PTPRK: variants seen among roughly 807,000 people sequenced by gnomAD.
The protein encoded by PTPRK is protein tyrosine phosphatase receptor type K, also known as receptor-type tyrosine-protein phosphatase kappa.
PTPRK carries 75 observed loss-of-function variants against 178.0 expected under a neutral mutation model. The observed-to-expected ratio is 0.42, with a 90% CI of 0.35 to 0.51. The LOEUF (loss-of-function observed/expected upper bound fraction) is 0.51. PTPRK is among the 20% of genes least tolerant of loss of function. The pLI is 0.02. For missense variants in PTPRK, 1,441 were observed against 1,797.8 expected, an observed-to-expected ratio of 0.80 and a Z score of 3.59; for synonymous variants, 637 against 620.6, an observed-to-expected ratio of 1.03 and a Z score of -0.39.
At chr6:128,335,064 G>A (rs540656078) in intron 2 of PTPRK, among the ~76,000 whole-genome samples, 3 of 152,226 alleles carry the variant, frequency 2.0e-5, no homozygotes, top group Non-Finnish European at 4.4e-5. Context: ...CTTCAGCCTG[G>A]GCGACAGAGT....
At chr6:128,452,881 C>T (rs1328756796) in intron 1 of PTPRK, among the ~76,000 whole-genome samples, 2 of 152,162 alleles carry the variant, frequency 1.3e-5, no homozygotes, top group Non-Finnish European at 2.9e-5. Flanking sequence ...TTCCTATTAA[C>T]TCTTCCTCTG....
At chr6:128,189,334 G>A in intron 6 of PTPRK, among the ~76,000 whole-genome samples, 1 of 149,168 alleles carries the variant, frequency 6.7e-6, no homozygotes, top group South Asian at 2.1e-4. Flanking sequence ...CTGCCTCCCG[G>A]GTTCAAGCTA....
intron 3 of PTPRK, among the ~76,000 whole-genome samples, chr6:128,317,008 T>C (rs753233212): frequency 6.6e-6 from 1 of 152,194 alleles, no homozygotes; most frequent in Non-Finnish European, 1.5e-5. Flanking sequence ...GCAAAGATGT[T>C]TTGTTAATAG....
intron 3 of PTPRK, among the ~76,000 whole-genome samples, chr6:128,255,326 C>T (rs1214643443): frequency 1.3e-5 from 2 of 152,104 alleles, no homozygotes; most frequent in African/African-American, 4.8e-5. Context: ...GAGAGATAAA[C>T]TCATCTTCAT....
chr6:128,084,278 C>G (rs1017089187), intron 8 of PTPRK, among the ~76,000 whole-genome samples: 1 of 152,118 alleles, frequency 6.6e-6, no homozygotes, highest in East Asian at 1.9e-4. Flanking sequence ...ATAATTAACA[C>G]TCTTTGGTCT....
intron 1 of PTPRK, among the ~76,000 whole-genome samples, chr6:128,476,467 T>C (rs1311063501): frequency 6.6e-6 from 1 of 152,080 alleles, no homozygotes; most frequent in Admixed American, 6.6e-5. Context: ...TGTTGTGTGC[T>C]AGAAACCATC....
intron 3 of PTPRK, among the ~76,000 whole-genome samples, chr6:128,276,330 C>A (rs1424564480): frequency 1.2e-4 from 18 of 152,010 alleles, no homozygotes; most frequent in Non-Finnish European, 1.5e-5. Flanking sequence ...AAAAATCATT[C>A]TTTTCTCATT....
chr6:128,009,053 G>T, intron 14 of PTPRK, 77 bp downstream of exon 14: 3 of 1,344,458 alleles, frequency 2.2e-6, no homozygotes, highest in South Asian at 1.7e-5. Flanking sequence ...TAATTTAAAG[G>T]ATCTTGAGAA....
chr6:128,167,554 G>C (rs1285684435), intron 7 of PTPRK, among the ~76,000 whole-genome samples: 1 of 151,834 alleles, frequency 6.6e-6, no homozygotes, highest in East Asian at 1.9e-4. Context: ...TTACTTGGTT[G>C]CTACTCAAGA....
chr6:128,355,821 TAAACAA>T (rs1200891216), intron 2 of PTPRK, among the ~76,000 whole-genome samples: 1 of 152,040 alleles, frequency 6.6e-6, no homozygotes, highest in Non-Finnish European at 1.5e-5. Flanking sequence ...AAAATAAAAA[TAAACAA>T]AAAGAAATTC....
chr6:128,133,287 T>C (rs1292371059), intron 7 of PTPRK, among the ~76,000 whole-genome samples: 1 of 152,198 alleles, frequency 6.6e-6, no homozygotes, highest in Non-Finnish European at 1.5e-5. Flanking sequence ...ATTTCAGGTT[T>C]AAAATTTGTA....
At chr6:128,333,931 A>G (rs1184167852) in intron 2 of PTPRK, among the ~76,000 whole-genome samples, 1 of 152,172 alleles carries the variant, frequency 6.6e-6, no homozygotes, top group East Asian at 1.9e-4. Context: ...CTTTAAGTTG[A>G]TAATTAAAGG....
chr6:128,212,562 C>T (rs752352929), intron 6 of PTPRK, among the ~76,000 whole-genome samples: 12 of 151,998 alleles, frequency 7.9e-5, no homozygotes, highest in South Asian at 6.2e-4. Context: ...ACTTAGAAAA[C>T]GTGTACAGGC....
At chr6:128,278,063 C>CA (rs1211188584) in intron 3 of PTPRK, among the ~76,000 whole-genome samples, 2 of 151,790 alleles carry the variant, frequency 1.3e-5, no homozygotes, top group Non-Finnish European at 1.5e-5. Flanking sequence ...GCTCTTTTCC[C>CA]AAAAAAGCTA....
At chr6:128,030,287 A>G (rs1775094580) in intron 13 of PTPRK, among the ~76,000 whole-genome samples, 1 of 152,212 alleles carries the variant, frequency 6.6e-6, no homozygotes, top group African/African-American at 2.4e-5. Flanking sequence ...TGGCCAGGGC[A>G]CCAAAGGTGA....
At chr6:128,066,642 A>T (rs1194287630) in intron 12 of PTPRK, among the ~76,000 whole-genome samples, 1 of 151,964 alleles carries the variant, frequency 6.6e-6, no homozygotes, top group African/African-American at 2.4e-5. Context: ...ATTCTATTGG[A>T]TTTTAAATTG....
intron 6 of PTPRK, 92 bp downstream of exon 6, chr6:128,218,830 T>C (rs1023100894): frequency 1.6e-5 from 19 of 1,162,782 alleles, no homozygotes; most frequent in Non-Finnish European, 2.1e-5. Flanking sequence ...TCAGAAACAC[T>C]ATGGTTTAAA....
At chr6:128,379,515 G>T (rs1837572222) in intron 2 of PTPRK, among the ~76,000 whole-genome samples, 1 of 152,130 alleles carries the variant, frequency 6.6e-6, no homozygotes, top group Admixed American at 6.6e-5. Flanking sequence ...GGACAAATAG[G>T]AAAGTCTTGA....
intron 7 of PTPRK, among the ~76,000 whole-genome samples, chr6:128,175,946 C>T (rs555909324): frequency 1.3e-5 from 2 of 151,734 alleles, no homozygotes; most frequent in Admixed American, 6.6e-5. Flanking sequence ...TCAGTATCTG[C>T]CCCCCACCCC....
Sources: allele counts gnomAD v4.1 joint callset (sites outside exome capture counted in the v4.1 genomes callset), GRCh38; gene constraint gnomAD v4.1.1; transcripts MANE v1.5; gene names NCBI Gene and HGNC (gene_info 2026-07-23, HGNC 2026-07-21).